Variants in ADGRV1 observed in about 807,000 individuals in gnomAD.
ADGRV1 encodes adhesion G protein-coupled receptor V1.
A neutral mutation model predicts 596.2 loss-of-function variants in ADGRV1; 359 were observed. The observed-to-expected ratio is 0.60, with a 90% CI of 0.55 to 0.66. The LOEUF (loss-of-function observed/expected upper bound fraction) is 0.66. Ranked by LOEUF, ADGRV1 falls within the 30% of genes least tolerant of loss-of-function variation. ADGRV1 has a pLI of 0.00. For synonymous variants in ADGRV1, 2,681 were observed against 2,679.2 expected (o/e 1.00, Z -0.02); for missense variants, 7,274 against 7,575.6 (o/e 0.96, Z 1.48).
chr5:91,038,305 A>C (rs1393926746), intron 85 of ADGRV1, among the ~76,000 whole-genome samples: 1 of 152,218 alleles, frequency 6.6e-6, no homozygotes, highest in Non-Finnish European at 1.5e-5. Context: ...TGGCAATGCA[A>C]AGGCAGTGAA....
intron 87 of ADGRV1, among the ~76,000 whole-genome samples, chr5:91,123,744 GTTAA>G (rs1160226822): frequency 1.3e-5 from 2 of 152,146 alleles, no homozygotes; most frequent in African/African-American, 4.8e-5. Flanking sequence ...ATTTAAATCA[GTTAA>G]TTAATTTATC....
rs1755857604 is a variant in ADGRV1, at chr5:90,756,601, A to G, written c.11728A>G (p.Arg3910Gly). The G allele has an allele frequency of 6.2e-7, 1 of 1,613,766 alleles. No individual in the cohort carries two copies. The highest frequency in any genetic ancestry group is 1.3e-5 in the African/African-American group (1 of 75,048). Residue 3910 changes from arginine (R) to glycine (G), a missense_variant, in exon 56 of 90, where the codon AGA becomes GGA. By Grantham distance (125) the Arg-to-Gly change is moderately radical. Transcript: ENST00000405460. ...AATGATAGAAGAAAATGACGATCCC[A>G]GAGGAATTTTTATGTTTCATGTTAC... ...EIMIEENDDP[R>G]GIFMFHVTRG...
At chr5:90,925,284 G>C (rs1428368823) in intron 83 of ADGRV1, among the ~76,000 whole-genome samples, 2 of 150,930 alleles carry the variant, frequency 1.3e-5, no homozygotes, top group South Asian at 2.1e-4. Flanking sequence ...TCTTCCATTT[G>C]TTTGTATCCT....
At chr5:90,712,249 A>T in intron 41 of ADGRV1, 38 bp from the exon 42 acceptor site, 1 of 1,257,898 alleles carries the variant, frequency 7.9e-7, no homozygotes, top group Non-Finnish European at 1.1e-6. Context: ...CACAGTGTAT[A>T]TAAATATAAT....
At chr5:90,823,333 T>G in intron 75 of ADGRV1, 92 bp from the exon 76 acceptor site, 1 of 1,281,500 alleles carries the variant, frequency 7.8e-7, no homozygotes. Flanking sequence ...TGGTATACTT[T>G]GGATGAAGAG....
At chr5:90,637,976 T>C (rs908969274) in intron 11 of ADGRV1, 28 bp downstream of exon 11, 3 of 1,497,328 alleles carry the variant, frequency 2.0e-6, no homozygotes, top group Non-Finnish European at 2.8e-6. Flanking sequence ...TAATGTTTAG[T>C]ATCATTTATG....
chr5:90,588,194 TATAAA>T (rs1396127058), intron 1 of ADGRV1, among the ~76,000 whole-genome samples: 1 of 152,220 alleles, frequency 6.6e-6, no homozygotes, highest in Non-Finnish European at 1.5e-5. Context: ...TGCATTTACT[TATAAA>T]AGAAACGTTG....
intron 20 of ADGRV1, among the ~76,000 whole-genome samples, chr5:90,656,314 G>T (rs552218526): frequency 6.1e-4 from 93 of 152,016 alleles, no homozygotes; most frequent in Non-Finnish European, 9.1e-4. Context: ...AAATAAATTC[G>T]CTAGCATCAC....
chr5:90,637,831 G>C lies in ADGRV1; in HGVS notation c.2123G>C (p.Gly708Ala). ...AAAGCAGTGACCCCGGATGATATAG[G>C]CCCCTTTAATGGCTCTGTTTTGTTT... ...NSKAVTPDDI[G>A]PFNGSVLFLS... Residue 708 changes from glycine (G) to alanine (A), a missense_variant, in exon 11 of 90, where the codon GGC (glycine) becomes GCC (alanine). Transcript: ENST00000405460. 1 of 1,613,634 alleles carries C rather than the reference G, an allele frequency of 6.2e-7. No individual in the cohort carries two copies. Among genetic ancestry groups the C allele is most frequent in the East Asian group, 2.2e-5 (1 of 44,858 alleles).
At chr5:91,143,549 CA>C (rs752169686) in intron 87 of ADGRV1, among the ~76,000 whole-genome samples, 3 of 152,194 alleles carry the variant, frequency 2.0e-5, no homozygotes, top group Non-Finnish European at 2.9e-5. Context: ...AGCTTGTCTC[CA>C]CAGGCAGGTC....
Position 90,622,720 on chromosome 5 carries a change from C to T in ADGRV1, c.558+19C>T, listed in dbSNP as rs1580485468. On this transcript the variant is annotated intron_variant, in intron 5 of 89. Coordinates refer to ENST00000405460, the MANE Select transcript of ADGRV1 (RefSeq NM_032119.4). ...TTTTGAGGTAAGTTTACTCTGAAGT[C>T]ATTTTATTTTATTTATTTTTATTTT... The T allele has an allele frequency of 1.9e-6, 2 of 1,065,106 alleles. No homozygotes were observed. Among genetic ancestry groups the T allele is most frequent in the East Asian group, 5.7e-5 (2 of 35,240 alleles). The allele number at this position is 1,065,106 out of a possible 1,614,324, so 66.0% of individuals were successfully genotyped here.
At chr5:90,725,310 A>C (rs1253052130) in intron 47 of ADGRV1, 78 bp downstream of exon 47, 3 of 978,934 alleles carry the variant, frequency 3.1e-6, no homozygotes, top group Non-Finnish European at 4.4e-6. Flanking sequence ...AAATTGGAAG[A>C]TAATGTATGT....
intron 86 of ADGRV1, among the ~76,000 whole-genome samples, chr5:91,095,853 G>T (rs1456224549): frequency 2.0e-5 from 3 of 151,866 alleles, no homozygotes; most frequent in African/African-American, 7.3e-5. Context: ...TGCGATCTTG[G>T]CTCACCGCAA....
intron 17 of ADGRV1, among the ~76,000 whole-genome samples, chr5:90,649,769 G>A (rs1219623005): frequency 3.3e-5 from 5 of 152,328 alleles, no homozygotes; most frequent in South Asian, 4.1e-4. Flanking sequence ...GATTACAGGC[G>A]TGAGCCACCG....
intron 1 of ADGRV1, among the ~76,000 whole-genome samples, chr5:90,592,188 G>A (rs773773775): frequency 8.5e-5 from 13 of 152,166 alleles, no homozygotes; most frequent in Admixed American, 3.9e-4. Flanking sequence ...AGCACAATTC[G>A]CAATTGCAAA....
In ADGRV1 at chr5:90,985,387, CAG is replaced by C. The variant is rs1415819726; in HGVS notation, c.18022_18023del (p.Arg6008AlafsTer42). ...GTGCTGGTGATGAATGATGAGCACACAGAGAGGCGATATCTGCTGTTTTTCCT... is the reference window on the plus strand; with the variant it reads ...GTGCTGGTGATGAATGATGAGCACACAGAGGCGATATCTGCTGTTTTTCCT... On this transcript the variant is annotated frameshift_variant, in exon 85 of 90. Transcript: ENST00000405460. LOFTEE classifies it high-confidence loss of function. 6.2e-6 allele frequency: 10 copies of C among 1,613,408 alleles called. No individual in the cohort carries two copies. Among genetic ancestry groups the C allele is most frequent in the Non-Finnish European group, 8.5e-6 (10 of 1,179,634 alleles).
At position 90,720,149 on chromosome 5, in the gene ADGRV1, T is replaced by A; in HGVS notation, c.9549T>A (p.His3183Gln). The change falls in exon 44 of 90, where the codon CAT becomes CAA. Residue 3183 changes from histidine (H) to glutamine (Q), a missense_variant. Physicochemically the swap from His to Gln is conservative, Grantham distance 24. Around this residue, in one of 5 missense-constraint regions of ADGRV1, gnomAD observed 3,643 missense variants for 3,809.2 expected, o/e 0.96. Coordinates refer to ENST00000405460, the MANE Select transcript of ADGRV1 (RefSeq NM_032119.4). Reference sequence around the variant, plus strand: ...CTGGAGGTGCTAGACTAGGGGTGCATGTTCAAACCCTGATAACAGTTTTGC... The same window carrying A: ...CTGGAGGTGCTAGACTAGGGGTGCAAGTTCAAACCCTGATAACAGTTTTGC... ...NPTGGARLGV[H>Q]VQTLITVLQN... 6.2e-7 allele frequency: 1 copy of A among 1,613,248 alleles called. No homozygotes were observed. The highest frequency in any genetic ancestry group is 8.5e-7 in the Non-Finnish European group (1 of 1,179,500).
chr5:91,134,258 G>A (rs933010070), intron 87 of ADGRV1, among the ~76,000 whole-genome samples: 3 of 151,254 alleles, frequency 2.0e-5, no homozygotes, highest in South Asian at 4.2e-4. Flanking sequence ...CCTGATCATC[G>A]CTCACTGCAG....
intron 70 of ADGRV1, among the ~76,000 whole-genome samples, chr5:90,798,832 A>T (rs1350113619): frequency 6.6e-6 from 1 of 152,216 alleles, no homozygotes; most frequent in Non-Finnish European, 1.5e-5. Context: ...AAACCACATG[A>T]TTATCTCAAT....
Sources: allele counts gnomAD v4.1 joint callset (sites outside exome capture counted in the v4.1 genomes callset), GRCh38; gene constraint gnomAD v4.1.1; regional missense constraint gnomAD v4.1.1; transcripts MANE v1.5; gene names NCBI Gene and HGNC (gene_info 2026-07-23, HGNC 2026-07-21).